The following SEMA3E variants were observed in gnomAD, a reference collection of about 807,000 sequenced individuals.
SEMA3E encodes the protein semaphorin 3E.
Under a neutral mutation model 93.6 loss-of-function variants are expected in SEMA3E, and 49 were observed. The observed-to-expected ratio is 0.52, with a 90% CI of 0.42 to 0.66. The LOEUF (loss-of-function observed/expected upper bound fraction) is 0.66. Among genes scored for constraint, SEMA3E ranks in the 30% least tolerant of loss-of-function variants. SEMA3E has a pLI of 0.00. For missense variants in SEMA3E, 906 were observed against 964.8 expected, an observed-to-expected ratio of 0.94 and a Z score of 0.81; for synonymous variants, 363 against 330.7, an observed-to-expected ratio of 1.10 and a Z score of -1.06.
intron 1 of SEMA3E, among the ~76,000 whole-genome samples, chr7:83,554,260 T>G (rs1183736250): frequency 1.3e-5 from 2 of 152,184 alleles, no homozygotes; most frequent in Admixed American, 6.6e-5. Context: ...AAAATTGGTA[T>G]ACAAAATCCA....
chr7:83,408,290 T>C (rs1788364918), intron 6 of SEMA3E, 78 bp downstream of exon 6: 1 of 1,542,218 alleles, frequency 6.5e-7, no homozygotes, highest in South Asian at 1.1e-5. Context: ...TTCTTATTAT[T>C]ATCAAAATGG....
chr7:83,556,669 A>T (rs1043558040), intron 1 of SEMA3E, among the ~76,000 whole-genome samples: 1 of 152,098 alleles, frequency 6.6e-6, no homozygotes, highest in African/African-American at 2.4e-5. Context: ...ATAAGATGCA[A>T]ATTTATAATC....
At chr7:83,593,300 G>C (rs879809381) in intron 1 of SEMA3E, among the ~76,000 whole-genome samples, 10,428 of 53,088 alleles carry the variant, frequency 0.2, 550 homozygotes, top group African/African-American at 0.39. Context: ...GTGTGTGTGT[G>C]TGTGTGTGTG....
intron 2 of SEMA3E, among the ~76,000 whole-genome samples, chr7:83,477,262 A>G (rs77407541): frequency 2.0e-5 from 3 of 152,146 alleles, no homozygotes; most frequent in East Asian, 3.8e-4. Context: ...CTATAATTTT[A>G]TCTTATATTC....
intron 1 of SEMA3E, among the ~76,000 whole-genome samples, chr7:83,633,276 A>G (rs1223743902): frequency 6.6e-6 from 1 of 152,064 alleles, no homozygotes; most frequent in Non-Finnish European, 1.5e-5. Flanking sequence ...TGTGCCAGGC[A>G]CTACTCTAAA....
At chr7:83,605,348 G>A (rs969607715) in intron 1 of SEMA3E, among the ~76,000 whole-genome samples, 1 of 151,456 alleles carries the variant, frequency 6.6e-6, no homozygotes, top group East Asian at 1.9e-4. Context: ...ATGGTATCTC[G>A]TTGTGGTTTT....
intron 1 of SEMA3E, among the ~76,000 whole-genome samples, chr7:83,636,713 T>C (rs1793889090): frequency 6.6e-6 from 1 of 152,080 alleles, no homozygotes; most frequent in Admixed American, 6.5e-5. Context: ...GGTAGAGTCA[T>C]GTTCCCAGTG....
chr7:83,516,772 C>T (rs1015431791), intron 1 of SEMA3E, among the ~76,000 whole-genome samples: 3 of 151,932 alleles, frequency 2.0e-5, no homozygotes, highest in Admixed American at 6.6e-5. Context: ...ATATTTTCTT[C>T]TTCCCCTGCT....
At chr7:83,464,948 T>C (rs2115874181) in intron 4 of SEMA3E, among the ~76,000 whole-genome samples, 1 of 151,976 alleles carries the variant, frequency 6.6e-6, no homozygotes, top group East Asian at 2.0e-4. Flanking sequence ...GTCAGGCCTC[T>C]GAGCCCAAGC....
intron 1 of SEMA3E, among the ~76,000 whole-genome samples, chr7:83,526,541 A>C (rs1238612476): frequency 6.6e-6 from 1 of 152,130 alleles, no homozygotes; most frequent in Non-Finnish European, 1.5e-5. Flanking sequence ...GGTGCTTGGC[A>C]CTTTCAATTC....
At chr7:83,577,539 T>G (rs1383721317) in intron 1 of SEMA3E, among the ~76,000 whole-genome samples, 1 of 152,112 alleles carries the variant, frequency 6.6e-6, no homozygotes. Flanking sequence ...GTAGGAGAAA[T>G]CGTTGTAATA....
intron 2 of SEMA3E, among the ~76,000 whole-genome samples, chr7:83,480,033 C>T (rs1356919425): frequency 1.3e-5 from 2 of 152,126 alleles, no homozygotes; most frequent in Non-Finnish European, 2.9e-5. Context: ...ATGCTTTCAA[C>T]ACTTTCAGGT....
At chr7:83,447,830 A>C (rs550887188) in intron 4 of SEMA3E, among the ~76,000 whole-genome samples, 1 of 152,318 alleles carries the variant, frequency 6.6e-6, no homozygotes, top group East Asian at 1.9e-4. Context: ...GGATAACAAA[A>C]AGATTTATTT....
intron 1 of SEMA3E, among the ~76,000 whole-genome samples, chr7:83,506,009 C>G (rs184514922): frequency 1.0e-5 from 1 of 95,312 alleles, no homozygotes; most frequent in Non-Finnish European, 2.1e-5. Flanking sequence ...TGCTAGACTC[C>G]GTCTCCAAAA....
At position 83,367,811 on chromosome 7, in the gene SEMA3E, G is replaced by T; in HGVS notation, c.2103C>A (p.Ser701Arg). Residue 701 changes from serine to arginine, a missense_variant, in exon 17 of 17, where the codon AGC becomes AGA. Ser to Arg is a moderately radical substitution (Grantham distance 110). Transcript: ENST00000643230. ...ACCATGGTTTTGCTCCCTGCGAGAT[G>T]CTACTCTGAGCAGGACAAGGCATCC... ...HHRMPCPAQSSISQGAKPWYK... is the reference protein window; with the variant it reads ...HHRMPCPAQSRISQGAKPWYK... The T allele has an allele frequency of 6.2e-7, 1 of 1,614,066 alleles. No individual in the cohort carries two copies. The highest frequency in any genetic ancestry group is 1.3e-5 in the African/African-American group (1 of 75,022).
intron 1 of SEMA3E, among the ~76,000 whole-genome samples, chr7:83,637,187 T>A (rs886473109): frequency 1.8e-4 from 28 of 152,062 alleles, no homozygotes; most frequent in Admixed American, 1.2e-3. Context: ...TTTATCAGAG[T>A]TAATAAACCA....
intron 7 of SEMA3E, 37 bp from the exon 8 acceptor site, chr7:83,406,096 A>G: frequency 2.1e-6 from 3 of 1,414,674 alleles, no homozygotes; most frequent in Non-Finnish European, 3.0e-6. Context: ...AGTTACCTAA[A>G]GAATTTCGAC....
Position 83,405,481 on chromosome 7 carries a change from G to A in SEMA3E, c.967C>T (p.Pro323Ser), listed in dbSNP as rs773239700. The change falls in exon 9 of 17, where the codon CCA (proline) becomes TCA (serine). Residue 323 changes from proline to serine, a missense_variant. Coordinates refer to ENST00000643230, the MANE Select transcript of SEMA3E (RefSeq NM_012431.3). ...FLLPTRDHKN[P>S]VIFGLFNTTS... ...GTGTTAAAGAGTCCAAATATCACTG[G>A]ATTCTTATGATCTCTGGTAGGTAGC... 3.1e-6 allele frequency: 5 copies of A among 1,612,820 alleles called. No homozygotes were observed. The East Asian group carries it at 6.7e-5, about 22-fold the overall frequency.
chr7:83,466,682 C>T, intron 3 of SEMA3E, 81 bp from the exon 4 acceptor site: 1 of 1,542,940 alleles, frequency 6.5e-7, no homozygotes, highest in Non-Finnish European at 8.8e-7. Context: ...TTTCCTAGCC[C>T]TAGAAAGCTC....
Sources: gnomAD v4.1 joint callset for allele counts (sites outside exome capture counted in the v4.1 genomes callset) on GRCh38, gnomAD v4.1.1 for gene constraint, MANE v1.5 for transcripts, NCBI Gene and HGNC (gene_info 2026-07-23, HGNC 2026-07-21) for gene names.